FBXL7: variants seen among roughly 807,000 people sequenced by gnomAD.
FBXL7 encodes the protein F-box/LRR-repeat protein 7.
FBXL7 carries 12 observed loss-of-function variants against 38.3 expected under a neutral mutation model. The observed-to-expected ratio is 0.31, with a 90% confidence interval of 0.20 to 0.51. The LOEUF is 0.51. Ranked by LOEUF, FBXL7 falls within the 20% of genes least tolerant of loss-of-function variation. The pLI is 0.98. For synonymous variants in FBXL7, 297 were observed against 300.9 expected, an observed-to-expected ratio of 0.99 and a Z score of 0.13; for missense variants, 567 against 676.4, an observed-to-expected ratio of 0.84 and a Z score of 1.79.
chr5:15,679,452 T>C (rs2126608075), intron 2 of FBXL7, among the ~76,000 whole-genome samples: 1 of 152,278 alleles, frequency 6.6e-6, no homozygotes, highest in East Asian at 1.9e-4. Context: ...TCAGTTTGTT[T>C]ATTGACTAAG....
chr5:15,516,916 A>G (rs1256725980), intron 1 of FBXL7, among the ~76,000 whole-genome samples: 1 of 152,228 alleles, frequency 6.6e-6, no homozygotes, highest in African/African-American at 2.4e-5. Flanking sequence ...TGAGTCAGTT[A>G]AACCTCTTTC....
At chr5:15,573,488 G>C (rs1246430721) in intron 1 of FBXL7, among the ~76,000 whole-genome samples, 1 of 152,172 alleles carries the variant, frequency 6.6e-6, no homozygotes, top group South Asian at 2.1e-4. Context: ...ATAAAAGAAG[G>C]GGGAAGCTAT....
chr5:15,625,758 A>G (rs1740794676), intron 2 of FBXL7, among the ~76,000 whole-genome samples: 1 of 152,214 alleles, frequency 6.6e-6, no homozygotes, highest in Non-Finnish European at 1.5e-5. Context: ...ATGAAAGTGG[A>G]AGATAATAAT....
chr5:15,928,264 C>G lies in FBXL7; in HGVS notation c.502C>G (p.Arg168Gly). Residue 168 changes from arginine to glycine, a missense_variant, in exon 3 of 4, where the codon CGC (arginine) becomes GGC (glycine). Transcript: ENST00000504595. This position sits in a 1 kb window ranked among gnomAD's most constrained non-coding sequence, Gnocchi z 4.0. ...RLTGETINVDRALKVLTRRLC... is the reference protein window; with the variant it reads ...RLTGETINVDGALKVLTRRLC... ...GACGGGCGAGACCATCAACGTGGACCGCGCCCTCAAGGTGCTGACCCGCAG... is the reference window on the plus strand; with the variant it reads ...GACGGGCGAGACCATCAACGTGGACGGCGCCCTCAAGGTGCTGACCCGCAG... The G allele has an allele frequency of 6.2e-7, 1 of 1,612,318 alleles. No individual in the cohort carries two copies. Among genetic ancestry groups the G allele is most frequent in the Non-Finnish European group, 8.5e-7 (1 of 1,179,208 alleles).
intron 2 of FBXL7, among the ~76,000 whole-genome samples, chr5:15,742,340 C>G (rs923369796): frequency 1.3e-5 from 2 of 152,170 alleles, no homozygotes; most frequent in African/African-American, 4.8e-5. Context: ...GCAAAAGCTC[C>G]TTAAGCCAAT....
intron 2 of FBXL7, among the ~76,000 whole-genome samples, chr5:15,658,214 C>T (rs1001210570): frequency 6.6e-6 from 1 of 152,164 alleles, no homozygotes; most frequent in African/African-American, 2.4e-5. Flanking sequence ...CAGAGAGCAA[C>T]TGAGTGCTTC....
intron 2 of FBXL7, among the ~76,000 whole-genome samples, chr5:15,750,339 G>A (rs896577891): frequency 1.3e-5 from 2 of 152,176 alleles, no homozygotes; most frequent in African/African-American, 4.8e-5. Context: ...CAGTGCCTTG[G>A]ACTAGGCTTT....
intron 2 of FBXL7, among the ~76,000 whole-genome samples, chr5:15,682,829 T>C (rs373419801): frequency 6.6e-5 from 10 of 152,348 alleles, no homozygotes; most frequent in East Asian, 3.9e-4. Flanking sequence ...TTATGTCTGA[T>C]TGGAAACTCT....
chr5:15,696,010 G>T (rs904827023), intron 2 of FBXL7, among the ~76,000 whole-genome samples: 36 of 152,170 alleles, frequency 2.4e-4, no homozygotes, highest in African/African-American at 7.7e-4. Context: ...CGCAAAAGAG[G>T]CATGTCCACT....
chr5:15,722,748 C>G (rs1360844652), intron 2 of FBXL7, among the ~76,000 whole-genome samples: 1 of 152,080 alleles, frequency 6.6e-6, no homozygotes, highest in Non-Finnish European at 1.5e-5. Flanking sequence ...CGTGGTGAAA[C>G]CCCGTCTCTA....
intron 2 of FBXL7, among the ~76,000 whole-genome samples, chr5:15,831,162 C>CTA (rs1334160962): frequency 1.3e-5 from 2 of 152,178 alleles, no homozygotes; most frequent in African/African-American, 4.8e-5. Context: ...CTCAAACTGC[C>CTA]TATAACCTCA....
At chr5:15,500,964 T>G (rs1413963714) in intron 1 of FBXL7, among the ~76,000 whole-genome samples, 1 of 152,210 alleles carries the variant, frequency 6.6e-6, no homozygotes, top group Non-Finnish European at 1.5e-5. Flanking sequence ...TCAAGTTGCA[T>G]CTCTGCTGTG....
chr5:15,915,266 C>A (rs1474918341), intron 2 of FBXL7, among the ~76,000 whole-genome samples: 1 of 152,218 alleles, frequency 6.6e-6, no homozygotes, highest in Non-Finnish European at 1.5e-5. Context: ...CAAAATACTG[C>A]AAACTAGGTG....
At chr5:15,822,077 G>A (rs1439753043) in intron 2 of FBXL7, among the ~76,000 whole-genome samples, 1 of 151,918 alleles carries the variant, frequency 6.6e-6, no homozygotes, top group East Asian at 1.9e-4. Flanking sequence ...GTGAGACCCA[G>A]TGTGGTGGCT....
intron 1 of FBXL7, among the ~76,000 whole-genome samples, chr5:15,538,661 G>C (rs1359383030): frequency 2.6e-5 from 4 of 152,168 alleles, no homozygotes; most frequent in Non-Finnish European, 5.9e-5. Flanking sequence ...CTGATACTCT[G>C]TCTTCCTTGT....
intron 2 of FBXL7, among the ~76,000 whole-genome samples, chr5:15,921,634 G>A (rs1200700740): frequency 6.6e-6 from 1 of 152,124 alleles, no homozygotes; most frequent in Middle Eastern, 3.2e-3. Flanking sequence ...AATAACTCAT[G>A]CAACTCAATA....
chr5:15,752,648 C>A (rs1350318576), intron 2 of FBXL7, among the ~76,000 whole-genome samples: 1 of 152,158 alleles, frequency 6.6e-6, no homozygotes, highest in Non-Finnish European at 1.5e-5. Context: ...CAATATGCAT[C>A]TTGATATGCA....
rs192149731 is a variant in FBXL7, at chr5:15,914,778, C to T, written c.128-13112C>T. On this transcript the variant is annotated intron_variant, in intron 2 of 3. Transcript: ENST00000504595. The stretch of plus-strand genomic sequence containing the variant: ...TAGGACCGAGCGAGCACATTCTCCC[C>T]TTGGTGCATTAGTTGAGCAGCTTCT... 1.8e-3 allele frequency among the ~76,000 whole-genome samples: 277 copies of T among 152,252 alleles called. 2 individuals carry two copies. Among genetic ancestry groups the T allele is most frequent in the African/African-American group, 6.5e-3 (271 of 41,548 alleles).
At chr5:15,808,777 A>G (rs1737781550) in intron 2 of FBXL7, among the ~76,000 whole-genome samples, 1 of 152,134 alleles carries the variant, frequency 6.6e-6, no homozygotes, top group Admixed American at 6.6e-5. Context: ...TTCCTGACAC[A>G]CAGCAGGGAC....
Sources: gnomAD v4.1 joint callset for allele counts (sites outside exome capture counted in the v4.1 genomes callset) on GRCh38, gnomAD v4.1.1 for gene constraint, Gnocchi (gnomAD v3.1) non-coding constraint, MANE v1.5 for transcripts, NCBI Gene and HGNC (gene_info 2026-07-23, HGNC 2026-07-21) for gene names.